RP1: variants seen among roughly 807,000 people sequenced by gnomAD.
RP1 encodes oxygen-regulated protein 1.
RP1 carries 16 observed loss-of-function variants against 14.8 expected under a neutral mutation model. That is an observed-to-expected ratio of 1.08 (90% CI 0.73 to 1.65). The LOEUF (loss-of-function observed/expected upper bound fraction) is 1.65, where lower values mean the gene tolerates loss of function less well. Among genes scored for constraint, RP1 ranks in the 40% most tolerant of loss-of-function variants. RP1 has a pLI of 0.00. For missense variants in RP1, 2,631 were observed against 2,535.0 expected (o/e 1.04, Z -0.81); for synonymous variants, 876 against 883.6 (o/e 0.99, Z 0.15).
In RP1 at chr8:54,626,692, T is replaced by C; in HGVS notation, c.2810T>C (p.Val937Ala). 1 of 1,613,950 alleles carries C rather than the reference T, an allele frequency of 6.2e-7. No homozygotes were observed. The highest frequency in any genetic ancestry group is 1.1e-5 in the South Asian group (1 of 91,078). ...TTAAAGCCTATAAAATCAGCTCCAG[T>C]ATGTAGAAATGAAACGAGTGTGGTA... ...PTLKPIKSAP[V>A]CRNETSVVNC... The change falls in exon 4 of 4, where the codon GTA becomes GCA. Residue 937 changes from valine to alanine, a missense_variant. Physicochemically the swap from Val to Ala is moderately conservative, Grantham distance 64. Coordinates refer to ENST00000220676, the MANE Select transcript of RP1 (RefSeq NM_006269.2).
At chr8:54,854,677 C>T (rs941064253) in intron 26 of RP1, among the ~76,000 whole-genome samples, 2 of 152,032 alleles carry the variant, frequency 1.3e-5, no homozygotes, top group African/African-American at 4.8e-5. Flanking sequence ...CCAGCCTGGC[C>T]AACATGGTGA....
intron 1 of RP1, among the ~76,000 whole-genome samples, chr8:54,583,948 C>A (rs1423729688): frequency 6.6e-6 from 1 of 152,210 alleles, no homozygotes; most frequent in South Asian, 2.1e-4. Flanking sequence ...TTTCAAAAAA[C>A]CAGCTCCTGG....
At chr8:54,677,508 C>T (rs1271782209) in intron 8 of RP1, among the ~76,000 whole-genome samples, 1 of 152,120 alleles carries the variant, frequency 6.6e-6, no homozygotes, top group Non-Finnish European at 1.5e-5. Context: ...GTGAGGATTG[C>T]TTGAGGCCAG....
chr8:54,704,886 A>C (rs1760600650), intron 14 of RP1, among the ~76,000 whole-genome samples: 1 of 152,174 alleles, frequency 6.6e-6, no homozygotes, highest in Non-Finnish European at 1.5e-5. Context: ...TGAACATTTA[A>C]TCTCTCTCTT....
intron 1 of RP1, among the ~76,000 whole-genome samples, chr8:54,577,144 T>C (rs1804680208): frequency 6.6e-6 from 1 of 152,060 alleles, no homozygotes; most frequent in Non-Finnish European, 1.5e-5. Flanking sequence ...GCCTCCTGAG[T>C]AGCTGGGATT....
chr8:54,774,163 T>C (rs536391055), downstream of RP1, among the ~76,000 whole-genome samples: 1 of 152,082 alleles, frequency 6.6e-6, no homozygotes, highest in Non-Finnish European at 1.5e-5. Context: ...CCTGTGGTGG[T>C]GTGGATAATG....
At chr8:54,848,280 C>G (rs1811977285) in intron 25 of RP1, among the ~76,000 whole-genome samples, 1 of 152,178 alleles carries the variant, frequency 6.6e-6, no homozygotes. Flanking sequence ...CTCTGAGCCC[C>G]AAGGCTTGTG....
At chr8:54,654,498 A>C (rs1326174044) in intron 5 of RP1, among the ~76,000 whole-genome samples, 3 of 152,202 alleles carry the variant, frequency 2.0e-5, no homozygotes, top group African/African-American at 7.2e-5. Context: ...ATAACCTTGC[A>C]AACAATAATT....
chr8:54,828,922 C>T (rs1416688146), intron 24 of RP1, among the ~76,000 whole-genome samples: 3 of 110,310 alleles, frequency 2.7e-5, no homozygotes, highest in Non-Finnish European at 5.1e-5. Flanking sequence ...GATGGAGTCT[C>T]GCTCTGTCAC....
At chr8:54,678,360 C>T (rs1807345989) in intron 8 of RP1, 5 of 955,022 alleles carry the variant, frequency 5.2e-6, no homozygotes, top group Non-Finnish European at 7.8e-6. Flanking sequence ...TGTACAAGAC[C>T]TTTACATATA....
chr8:54,619,308 C>G (rs752481859), intron 1 of RP1, among the ~76,000 whole-genome samples: 8 of 152,098 alleles, frequency 5.3e-5, no homozygotes, highest in African/African-American at 1.9e-4. Flanking sequence ...TCTTGGACAA[C>G]AGCTTGCAAA....
At chr8:54,768,244 CTTTG>C (rs1273272640) in intron 22 of RP1, among the ~76,000 whole-genome samples, 1 of 152,208 alleles carries the variant, frequency 6.6e-6, no homozygotes, top group Non-Finnish European at 1.5e-5. Flanking sequence ...AGTATCACCT[CTTTG>C]TTTAATTTTT....
At chr8:54,860,544 G>A (rs920910151) in intron 27 of RP1, among the ~76,000 whole-genome samples, 10 of 152,326 alleles carry the variant, frequency 6.6e-5, no homozygotes, top group Admixed American at 6.5e-4. Context: ...GCCCACCCCA[G>A]AGATTCTGCC....
In RP1 at chr8:54,825,094, C is replaced by T. The variant is rs537484748; in HGVS notation, c.3616-12356C>T. Among the ~76,000 whole-genome samples the T allele has an allele frequency of 5.9e-5, 9 of 152,160 alleles. No homozygotes were observed. In the East Asian group the frequency reaches 1.5e-3, roughly 26 times the overall value. ...ACGCCATTCTCCTGCCTCAGCCTCCCGAGTAGCTGGGACTACAGGCGCCTG... is the reference window on the plus strand; with the variant it reads ...ACGCCATTCTCCTGCCTCAGCCTCCTGAGTAGCTGGGACTACAGGCGCCTG... On this transcript the variant is annotated intron_variant, in intron 24 of 28. Coordinates refer to the RP1 transcript ENST00000637698.
At chr8:54,807,984 A>T (rs1385828332) in intron 24 of RP1, among the ~76,000 whole-genome samples, 1 of 152,164 alleles carries the variant, frequency 6.6e-6, no homozygotes, top group East Asian at 1.9e-4. Flanking sequence ...TATCCAAAAA[A>T]AAAAAAACAC....
downstream of RP1, among the ~76,000 whole-genome samples, chr8:54,632,996 C>T (rs560955973): frequency 4.3e-4 from 66 of 152,108 alleles, no homozygotes; most frequent in African/African-American, 1.5e-3. Context: ...GTTTTGCCCA[C>T]CAGATGGCAG....
At chr8:54,718,159 G>T (rs562734495) in intron 15 of RP1, among the ~76,000 whole-genome samples, 6 of 152,226 alleles carry the variant, frequency 3.9e-5, no homozygotes, top group African/African-American at 1.4e-4. Context: ...CTTTATCATA[G>T]ATTCAATACA....
At chr8:54,652,665 C>T in intron 4 of RP1, 1 of 690,128 alleles carries the variant, frequency 1.4e-6, no homozygotes, top group Non-Finnish European at 2.5e-6. Context: ...GTTTATAATT[C>T]TTATGTCTTC....
At chr8:54,756,048 A>T (rs1435205662) in intron 21 of RP1, among the ~76,000 whole-genome samples, 2 of 152,212 alleles carry the variant, frequency 1.3e-5, no homozygotes, top group Non-Finnish European at 2.9e-5. Context: ...CTCAAAAGAC[A>T]AGGAAAATAT....
Sources: gnomAD v4.1 joint callset for allele counts (sites outside exome capture counted in the v4.1 genomes callset) on GRCh38, gnomAD v4.1.1 for gene constraint, MANE v1.5 for transcripts, NCBI Gene and HGNC (gene_info 2026-07-23, HGNC 2026-07-21) for gene names.